Variants in KCNIP1 observed in about 807,000 individuals in gnomAD.
The protein encoded by KCNIP1 is A-type potassium channel modulatory protein KCNIP1.
Under a neutral mutation model 33.0 loss-of-function variants are expected in KCNIP1, and 18 were observed. The ratio of observed to expected loss-of-function variants is 0.55; its 90% CI spans 0.38 to 0.81. The LOEUF (loss-of-function observed/expected upper bound fraction) is 0.81. KCNIP1 is among the 30% of genes least tolerant of loss of function. The pLI, the probability that KCNIP1 is intolerant of heterozygous loss-of-function variation, is 0.00. For synonymous variants in KCNIP1, 93 were observed against 98.3 expected, an observed-to-expected ratio of 0.95 and a Z score of 0.32; for missense variants, 238 against 271.6, an observed-to-expected ratio of 0.88 and a Z score of 0.87.
intron 1 of KCNIP1, among the ~76,000 whole-genome samples, chr5:170,479,017 G>A (rs1756918689): frequency 6.6e-6 from 1 of 152,184 alleles, no homozygotes; most frequent in South Asian, 2.1e-4. Flanking sequence ...TGTCAAGAAG[G>A]CATCAAAGCA....
intron 1 of KCNIP1, among the ~76,000 whole-genome samples, chr5:170,525,620 G>A (rs1035563698): frequency 5.3e-5 from 8 of 152,130 alleles, no homozygotes; most frequent in African/African-American, 9.7e-5. Flanking sequence ...GACCTTTACC[G>A]CCGTGTGATT....
chr5:170,373,981 T>C (rs1299056683), intron 1 of KCNIP1, among the ~76,000 whole-genome samples: 1 of 152,194 alleles, frequency 6.6e-6, no homozygotes, highest in Admixed American at 6.5e-5. Flanking sequence ...GGTGGCACTT[T>C]GCTCAAACAG....
chr5:170,504,714 C>T lies in KCNIP1; in HGVS notation c.61+81C>T. The T allele has an allele frequency of 8.5e-7, 1 of 1,170,586 alleles. No homozygotes were observed. The highest frequency in any genetic ancestry group is 1.3e-6 in the Non-Finnish European group (1 of 778,868). The allele number at this position is 1,170,586 out of a possible 1,614,324, so 72.5% of individuals were successfully genotyped here. A position where few individuals can be genotyped will look rare whatever the true frequency, so the allele number is the denominator to read the frequency against. ...GAGGTGGGCTGTGCCACCTGCCTCCCTTAGTCCGGACTCTCCTCTCCACGA... is the reference window on the plus strand; with the variant it reads ...GAGGTGGGCTGTGCCACCTGCCTCCTTTAGTCCGGACTCTCCTCTCCACGA... On this transcript the variant is annotated intron_variant, in intron 1 of 7. Coordinates refer to ENST00000328939, the MANE Select transcript of KCNIP1 (RefSeq NM_014592.4). This position sits in a 1 kb window ranked among gnomAD's most constrained non-coding sequence, Gnocchi z 6.0.
intron 1 of KCNIP1, among the ~76,000 whole-genome samples, chr5:170,563,000 GA>G (rs1322099737): frequency 6.6e-6 from 1 of 152,186 alleles, no homozygotes; most frequent in African/African-American, 2.4e-5. Context: ...TTGGTAGCAA[GA>G]GGCATTTCTC....
At chr5:170,617,061 G>T (rs1454232330) in intron 1 of KCNIP1, among the ~76,000 whole-genome samples, 1 of 152,008 alleles carries the variant, frequency 6.6e-6, no homozygotes, top group African/African-American at 2.4e-5. Flanking sequence ...TGTCTTATTT[G>T]TCTTGGTATC....
In KCNIP1 at chr5:170,612,429, C is replaced by T. The variant is rs189239713; in HGVS notation, c.62-106329C>T. ...AGAGGCACTTGCTCTCCTGGCGGCT[C>T]CCTTTCGGAGACTAATGGGGATGAC... On this transcript the variant is annotated intron_variant, in intron 1 of 7. Transcript: ENST00000328939. Among the ~76,000 whole-genome samples, 14 of 152,314 alleles carry T rather than the reference C, an allele frequency of 9.2e-5. No individual in the cohort carries two copies. In the East Asian group the frequency reaches 2.7e-3, roughly 29 times the overall value.
intron 1 of KCNIP1, among the ~76,000 whole-genome samples, chr5:170,445,442 TC>T (rs1439232895): frequency 1.3e-5 from 2 of 152,244 alleles, no homozygotes. Context: ...GGACTGCGGA[TC>T]CCGAGGTGGA....
intron 1 of KCNIP1, among the ~76,000 whole-genome samples, chr5:170,574,425 C>T (rs536221730): frequency 1.2e-4 from 19 of 152,262 alleles, no homozygotes; most frequent in Admixed American, 6.5e-4. Flanking sequence ...GGTGAATTAG[C>T]GAGTGCCAGC....
intron 1 of KCNIP1, among the ~76,000 whole-genome samples, chr5:170,370,788 A>G (rs1378277331): frequency 1.3e-5 from 2 of 152,166 alleles, no homozygotes; most frequent in African/African-American, 4.8e-5. Flanking sequence ...GACTGCTTCA[A>G]ACCAGCGGGG....
intron 1 of KCNIP1, among the ~76,000 whole-genome samples, chr5:170,703,675 T>C (rs1214815584): frequency 7.3e-6 from 1 of 137,642 alleles, no homozygotes; most frequent in Non-Finnish European, 1.5e-5. Context: ...TGCCAGATTG[T>C]GATTTCTGAA....
chr5:170,682,333 T>G (rs1762379008), intron 1 of KCNIP1, among the ~76,000 whole-genome samples: 1 of 152,230 alleles, frequency 6.6e-6, no homozygotes, highest in East Asian at 1.9e-4. Context: ...AAGGTTTCTT[T>G]GAATTCAGTT....
chr5:170,393,035 C>A (rs1754652706), intron 1 of KCNIP1, among the ~76,000 whole-genome samples: 1 of 152,188 alleles, frequency 6.6e-6, no homozygotes, highest in Non-Finnish European at 1.5e-5. Flanking sequence ...AGGCCTTGTT[C>A]TTTCTGTAAA....
intron 1 of KCNIP1, among the ~76,000 whole-genome samples, chr5:170,437,464 C>A (rs1211208787): frequency 2.0e-5 from 3 of 152,172 alleles, no homozygotes; most frequent in Admixed American, 6.5e-5. Context: ...TCCAAACAAA[C>A]CTTCAAATCT....
At chr5:170,658,135 T>C (rs1383136683) in intron 1 of KCNIP1, among the ~76,000 whole-genome samples, 1 of 152,108 alleles carries the variant, frequency 6.6e-6, no homozygotes, top group African/African-American at 2.4e-5. Context: ...ACCAAAGAAG[T>C]AAAAGAGAAT....
intron 1 of KCNIP1, among the ~76,000 whole-genome samples, chr5:170,467,917 CAAAAAAAAAAA>C (rs55671124): frequency 2.4e-5 from 1 of 41,952 alleles, no homozygotes; most frequent in Non-Finnish European, 5.0e-5. Flanking sequence ...GATTCCATCT[CAAAAAAAAAAA>C]AAAAAAAAAA....
At chr5:170,363,753 G>A (rs1198682728) in intron 1 of KCNIP1, among the ~76,000 whole-genome samples, 1 of 152,108 alleles carries the variant, frequency 6.6e-6, no homozygotes, top group Non-Finnish European at 1.5e-5. Flanking sequence ...TAAGTGCACA[G>A]TTGTGGCTTT....
chr5:170,456,709 C>CTTTCTTTCT (rs1756389005), intron 1 of KCNIP1, among the ~76,000 whole-genome samples: 1 of 147,204 alleles, frequency 6.8e-6, no homozygotes, highest in African/African-American at 2.5e-5. Context: ...CTTTTTCTTT[C>CTTTCTTTCT]TTTCTTTCTT....
intron 1 of KCNIP1, among the ~76,000 whole-genome samples, chr5:170,523,338 C>T (rs943258810): frequency 6.6e-6 from 1 of 152,198 alleles, no homozygotes; most frequent in Non-Finnish European, 1.5e-5. Context: ...AGCCCTCCGC[C>T]AGGAAAGCCG....
At chr5:170,697,556 C>G (rs1762939240) in intron 1 of KCNIP1, among the ~76,000 whole-genome samples, 1 of 152,152 alleles carries the variant, frequency 6.6e-6, no homozygotes, top group Non-Finnish European at 1.5e-5. Flanking sequence ...ATTGAGTCCC[C>G]CAGAGGTTAA....
Sources: gnomAD v4.1 joint callset for allele counts (sites outside exome capture counted in the v4.1 genomes callset) on GRCh38, gnomAD v4.1.1 for gene constraint, Gnocchi (gnomAD v3.1) non-coding constraint, MANE v1.5 for transcripts, NCBI Gene and HGNC (gene_info 2026-07-23, HGNC 2026-07-21) for gene names.